The following GRID2 variants were observed in gnomAD, a reference collection of about 807,000 sequenced individuals.
GRID2 encodes glutamate receptor ionotropic, delta-2.
Under a neutral mutation model 114.8 loss-of-function variants are expected in GRID2, and 33 were observed. The ratio of observed to expected loss-of-function variants is 0.29; its 90% CI spans 0.22 to 0.38. The LOEUF (loss-of-function observed/expected upper bound fraction) is 0.38. GRID2 is among the 10% of genes least tolerant of loss of function. The pLI is 1.00. For synonymous variants in GRID2, 505 were observed against 449.9 expected (o/e 1.12, Z -1.55); for missense variants, 1,184 against 1,257.7 (o/e 0.94, Z 0.89).
chr4:92,371,346 G>C (rs1044312681), intron 1 of GRID2, among the ~76,000 whole-genome samples: 1 of 152,146 alleles, frequency 6.6e-6, no homozygotes, highest in Non-Finnish European at 1.5e-5. Flanking sequence ...CATTGCTAGA[G>C]AGAAGTCACT....
chr4:93,088,554 G>T (rs1378381923), intron 3 of GRID2, among the ~76,000 whole-genome samples: 3 of 152,090 alleles, frequency 2.0e-5, no homozygotes, highest in Non-Finnish European at 2.9e-5. Context: ...ATTGAAGAAG[G>T]CTTTATGGAA....
At chr4:92,918,309 T>G (rs570735222) in intron 2 of GRID2, among the ~76,000 whole-genome samples, 1 of 152,326 alleles carries the variant, frequency 6.6e-6, no homozygotes, top group South Asian at 2.1e-4. Flanking sequence ...AGGGACAATT[T>G]GACTTCCTCT....
intron 10 of GRID2, among the ~76,000 whole-genome samples, chr4:93,430,382 TGTTGGCCA>T (rs1769295358): frequency 6.6e-6 from 1 of 152,196 alleles, no homozygotes; most frequent in Non-Finnish European, 1.5e-5. Context: ...AGTTTCGCCA[TGTTGGCCA>T]GGATGGTCCT....
At chr4:93,659,561 A>G (rs1196631415) in intron 14 of GRID2, among the ~76,000 whole-genome samples, 1 of 152,238 alleles carries the variant, frequency 6.6e-6, no homozygotes. Flanking sequence ...TTAAGAAGGG[A>G]TGATGAATGG....
chr4:93,326,246 C>G (rs572800990), intron 8 of GRID2, among the ~76,000 whole-genome samples: 111 of 152,200 alleles, frequency 7.3e-4, no homozygotes, highest in African/African-American at 2.6e-3. Flanking sequence ...TCAAAATCAC[C>G]CCATCATGGT....
At chr4:92,921,177 C>T (rs1408167209) in intron 2 of GRID2, among the ~76,000 whole-genome samples, 1 of 152,144 alleles carries the variant, frequency 6.6e-6, no homozygotes, top group Non-Finnish European at 1.5e-5. Context: ...ATGTAGTTCT[C>T]ATGCCATGGT....
At chr4:92,951,419 C>T (rs1578579182) in intron 2 of GRID2, among the ~76,000 whole-genome samples, 2 of 151,908 alleles carry the variant, frequency 1.3e-5, no homozygotes, top group East Asian at 1.9e-4. Flanking sequence ...CGCAGTCACA[C>T]CTCGCTGCAG....
At chr4:93,612,173 C>T (rs892498781) in intron 13 of GRID2, among the ~76,000 whole-genome samples, 5 of 151,306 alleles carry the variant, frequency 3.3e-5, no homozygotes, top group Admixed American at 6.6e-5. Flanking sequence ...GGTAGATCTT[C>T]CTCCATCCTT....
intron 4 of GRID2, among the ~76,000 whole-genome samples, chr4:93,205,161 AG>A (rs1364624605): frequency 1.3e-5 from 2 of 152,066 alleles, no homozygotes; most frequent in African/African-American, 4.8e-5. Context: ...AGATGTTTAA[AG>A]TAAAACAATC....
intron 8 of GRID2, among the ~76,000 whole-genome samples, chr4:93,274,421 AGC>A (rs1751827873): frequency 2.0e-5 from 3 of 152,156 alleles, no homozygotes; most frequent in Admixed American, 2.0e-4. Flanking sequence ...AAAGTTGAAA[AGC>A]AATTTTACTG....
chr4:93,623,093 G>A (rs906387839), intron 13 of GRID2, among the ~76,000 whole-genome samples: 2 of 151,736 alleles, frequency 1.3e-5, no homozygotes, highest in East Asian at 1.9e-4. Context: ...TTGATTTATC[G>A]ACTTTCTAAT....
At chr4:93,499,043 A>C (rs530459953) in intron 12 of GRID2, among the ~76,000 whole-genome samples, 2 of 151,982 alleles carry the variant, frequency 1.3e-5, no homozygotes, top group South Asian at 4.1e-4. Context: ...ATGCTCGGGT[A>C]ATTTTTCTTT....
intron 1 of GRID2, among the ~76,000 whole-genome samples, chr4:92,526,386 C>T (rs1345743811): frequency 1.3e-5 from 2 of 152,070 alleles, no homozygotes; most frequent in Non-Finnish European, 2.9e-5. Flanking sequence ...TATTGTTGCC[C>T]AGGCAGGAGT....
chr4:92,569,712 T>C lies in GRID2; in HGVS notation c.89-20419T>C, dbSNP rs561451846. On this transcript the variant is annotated intron_variant, in intron 1 of 15. Transcript: ENST00000282020. ...ATTGTCATTTTGATTTGTATTTCTC[T>C]AATAATCAGTGGGGTTGATCTTTTT... is the stretch of plus-strand genomic sequence containing the variant. Among the ~76,000 whole-genome samples the C allele has an allele frequency of 9.2e-5, 14 of 152,246 alleles. No individual in the cohort carries two copies. In the South Asian group the frequency reaches 2.7e-3, roughly 29 times the overall value.
chr4:92,703,998 G>C (rs1010977763), intron 2 of GRID2, among the ~76,000 whole-genome samples: 2 of 152,084 alleles, frequency 1.3e-5, no homozygotes. Context: ...AGAATTGGCC[G>C]GGCGCAGTTG....
At chr4:92,348,186 A>G (rs2110177276) in intron 1 of GRID2, among the ~76,000 whole-genome samples, 1 of 152,258 alleles carries the variant, frequency 6.6e-6, no homozygotes, top group Non-Finnish European at 1.5e-5. Flanking sequence ...TGTTGGTCTC[A>G]AACTGCTGGG....
chr4:93,380,986 T>G (rs1579891453), intron 8 of GRID2, among the ~76,000 whole-genome samples: 1 of 151,976 alleles, frequency 6.6e-6, no homozygotes, highest in African/African-American at 2.4e-5. Flanking sequence ...TTGGCTGAGG[T>G]GCTTTAGTTA....
intron 8 of GRID2, among the ~76,000 whole-genome samples, chr4:93,354,042 C>T (rs1006977579): frequency 6.6e-6 from 1 of 151,824 alleles, no homozygotes; most frequent in South Asian, 2.1e-4. Context: ...CACACACACA[C>T]ATATGCCAGA....
chr4:93,124,931 C>G (rs1196882339), intron 4 of GRID2, among the ~76,000 whole-genome samples: 1 of 152,054 alleles, frequency 6.6e-6, no homozygotes, highest in Non-Finnish European at 1.5e-5. Context: ...CATAGAGGTC[C>G]TTTAATGTTC....
Sources: gnomAD v4.1 joint callset for allele counts (sites outside exome capture counted in the v4.1 genomes callset) on GRCh38, gnomAD v4.1.1 for gene constraint, MANE v1.5 for transcripts, NCBI Gene and HGNC (gene_info 2026-07-23, HGNC 2026-07-21) for gene names.